Variants in CSMD1 observed in about 807,000 individuals in gnomAD.
CSMD1 encodes the protein CUB and sushi domain-containing protein 1.
In CSMD1, 213 loss-of-function variants were observed where a neutral mutation model predicts 417.5. The ratio of observed to expected loss-of-function variants is 0.51; its 90% CI spans 0.46 to 0.57. CSMD1 has a LOEUF of 0.57. Ranked by LOEUF, CSMD1 falls within the 20% of genes least tolerant of loss-of-function variation. The probability of loss-of-function intolerance (pLI) is 0.00; values close to 1 mark genes in which losing one functional copy is unlikely to be tolerated. For synonymous variants in CSMD1, 2,862 were observed against 1,736.8 expected (o/e 1.65, Z -16.11); for missense variants, 6,923 against 4,529.7 (o/e 1.53, Z -15.17).
chr8:4,463,863 G>T (rs921835532), intron 2 of CSMD1, among the ~76,000 whole-genome samples: 3 of 152,114 alleles, frequency 2.0e-5, no homozygotes, highest in Non-Finnish European at 4.4e-5. Flanking sequence ...AAGCACTGAA[G>T]AGTACACTTC....
chr8:4,124,173 G>A (rs551705292), intron 3 of CSMD1, among the ~76,000 whole-genome samples: 3 of 152,130 alleles, frequency 2.0e-5, no homozygotes, highest in East Asian at 3.9e-4. Context: ...AGGCGCAGGG[G>A]AGGAAGTGGG....
Position 4,994,509 on chromosome 8 carries a change from C to G in CSMD1, c.-93G>C, listed in dbSNP as rs1166265193. On this transcript the variant is annotated 5_prime_UTR_variant, in exon 1 of 70. Transcript: ENST00000635120. ...GCCAAATAATCACCCGAGGGCAAGG[C>G]GAGCCGGAGAGAGAGCCCGGTCCCA... The G allele has an allele frequency of 1.8e-5, 22 of 1,196,014 alleles. No individual in the cohort carries two copies. Among genetic ancestry groups the G allele is most frequent in the Non-Finnish European group, 2.6e-5 (22 of 837,098 alleles). The allele number at this position is 1,196,014 out of a possible 1,614,324, so 74.1% of individuals were successfully genotyped here. A position where few individuals can be genotyped will look rare whatever the true frequency, so the allele number is the denominator to read the frequency against.
chr8:4,415,155 G>C (rs1278634281), intron 3 of CSMD1, among the ~76,000 whole-genome samples: 1 of 152,076 alleles, frequency 6.6e-6, no homozygotes, highest in Non-Finnish European at 1.5e-5. Context: ...AGATAGGGCA[G>C]AAAGGCTCAG....
chr8:4,378,138 G>A (rs534786731), intron 3 of CSMD1, among the ~76,000 whole-genome samples: 1 of 152,160 alleles, frequency 6.6e-6, no homozygotes, highest in African/African-American at 2.4e-5. Context: ...GAGTGTACAT[G>A]CTTCAATATT....
chr8:3,625,710 A>C, intron 7 of CSMD1, among the ~76,000 whole-genome samples: 1 of 152,204 alleles, frequency 6.6e-6, no homozygotes, highest in East Asian at 1.9e-4. Flanking sequence ...CCTAAAATTC[A>C]GTCATTCAAC....
chr8:3,601,675 A>C (rs1295627567), intron 8 of CSMD1, among the ~76,000 whole-genome samples: 10 of 152,234 alleles, frequency 6.6e-5, no homozygotes, highest in Admixed American at 6.5e-4. Flanking sequence ...CTGTGAAATC[A>C]TTGGTAATAT....
At chr8:4,169,469 C>A (rs73658419) in intron 3 of CSMD1, among the ~76,000 whole-genome samples, 1 of 152,160 alleles carries the variant, frequency 6.6e-6, no homozygotes, top group Non-Finnish European at 1.5e-5. Flanking sequence ...TATCCCAAAT[C>A]TGACTCAATT....
At chr8:3,365,600 A>G (rs1329148429) in intron 20 of CSMD1, among the ~76,000 whole-genome samples, 9 of 152,206 alleles carry the variant, frequency 5.9e-5, no homozygotes, top group Admixed American at 5.9e-4. Flanking sequence ...TGTCATCAAG[A>G]CTTACCTTAG....
chr8:4,904,975 A>G (rs1040838210), intron 1 of CSMD1, among the ~76,000 whole-genome samples: 1 of 152,186 alleles, frequency 6.6e-6, no homozygotes, highest in Non-Finnish European at 1.5e-5. Context: ...TTCAACCAAC[A>G]TAGTACAATT....
At chr8:3,665,367 T>G (rs550261415) in intron 7 of CSMD1, among the ~76,000 whole-genome samples, 87 of 152,070 alleles carry the variant, frequency 5.7e-4, no homozygotes, top group African/African-American at 2.0e-3. Context: ...CCATCTCTAC[T>G]AAAATACAAA....
chr8:4,496,676 A>G (rs552102415), intron 2 of CSMD1, among the ~76,000 whole-genome samples: 113 of 151,764 alleles, frequency 7.4e-4, no homozygotes, highest in African/African-American at 2.7e-3. Context: ...TTATCCTGCC[A>G]CTCTGACAAA....
chr8:3,348,672 T>A (rs560561815), intron 21 of CSMD1, among the ~76,000 whole-genome samples: 8 of 152,324 alleles, frequency 5.3e-5, no homozygotes, highest in African/African-American at 1.7e-4. Context: ...GGATGTCACA[T>A]CCCTGAATGC....
chr8:3,364,662 T>A (rs1226012794), intron 20 of CSMD1, among the ~76,000 whole-genome samples: 2 of 152,154 alleles, frequency 1.3e-5, no homozygotes, highest in African/African-American at 4.8e-5. Context: ...AAGGGCTTCT[T>A]CTCTTTTACC....
intron 11 of CSMD1, among the ~76,000 whole-genome samples, chr8:3,470,300 T>G (rs1817013086): frequency 6.6e-6 from 1 of 152,364 alleles, no homozygotes; most frequent in East Asian, 1.9e-4. Flanking sequence ...ATAGAATTTA[T>G]AGTGTATAAA....
chr8:3,846,495 G>T (rs1457615965), intron 5 of CSMD1, among the ~76,000 whole-genome samples: 1 of 152,158 alleles, frequency 6.6e-6, no homozygotes, highest in Admixed American at 6.5e-5. Context: ...GTGAAACTCA[G>T]ATAAGCATAG....
intron 3 of CSMD1, among the ~76,000 whole-genome samples, chr8:4,357,949 G>C (rs1378647002): frequency 6.6e-6 from 1 of 152,074 alleles, no homozygotes; most frequent in East Asian, 1.9e-4. Context: ...ATTGCTAGTG[G>C]TGTAATGCCT....
intron 1 of CSMD1, among the ~76,000 whole-genome samples, chr8:4,657,942 G>A (rs1257695857): frequency 6.6e-6 from 1 of 151,912 alleles, no homozygotes; most frequent in Non-Finnish European, 1.5e-5. Flanking sequence ...AATAACTGAT[G>A]CTATAAACTC....
chr8:3,675,012 C>T (rs1799298637), intron 7 of CSMD1, among the ~76,000 whole-genome samples: 1 of 152,134 alleles, frequency 6.6e-6, no homozygotes, highest in Non-Finnish European at 1.5e-5. Context: ...GTTTTTAATG[C>T]CCAGTGATGC....
At chr8:3,159,832 T>G (rs1819773285) in intron 38 of CSMD1, among the ~76,000 whole-genome samples, 1 of 152,218 alleles carries the variant, frequency 6.6e-6, no homozygotes, top group Non-Finnish European at 1.5e-5. Flanking sequence ...AAGAAATTTC[T>G]TTGGTAAAGA....
Sources: gnomAD v4.1 joint callset for allele counts (sites outside exome capture counted in the v4.1 genomes callset) on GRCh38, gnomAD v4.1.1 for gene constraint, MANE v1.5 for transcripts, NCBI Gene and HGNC (gene_info 2026-07-23, HGNC 2026-07-21) for gene names.